The following STXBP5L variants were observed in gnomAD, a reference collection of about 807,000 sequenced individuals.
The protein encoded by STXBP5L is syntaxin binding protein 5L, also known as syntaxin-binding protein 5-like.
Under a neutral mutation model 144.5 loss-of-function variants are expected in STXBP5L, and 65 were observed. The observed-to-expected ratio is 0.45, with a 90% CI of 0.37 to 0.55. The LOEUF (loss-of-function observed/expected upper bound fraction) is 0.55, where lower values mean the gene tolerates loss of function less well. Ranked by LOEUF, STXBP5L falls within the 20% of genes least tolerant of loss-of-function variation. STXBP5L has a pLI of 0.00. For synonymous variants in STXBP5L, 505 were observed against 469.6 expected (o/e 1.08, Z -0.97); for missense variants, 1,298 against 1,405.5 (o/e 0.92, Z 1.22).
intron 3 of STXBP5L, among the ~76,000 whole-genome samples, chr3:121,040,247 G>T (rs1471591319): frequency 3.9e-5 from 6 of 152,026 alleles, no homozygotes; most frequent in Admixed American, 3.3e-4. Context: ...TTAGTATGCA[G>T]TTAAGCTATG....
At chr3:121,150,932 A>G (rs1387894857) in intron 7 of STXBP5L, among the ~76,000 whole-genome samples, 1 of 152,056 alleles carries the variant, frequency 6.6e-6, no homozygotes, top group Non-Finnish European at 1.5e-5. Flanking sequence ...TACTAAAAAT[A>G]CAAAAATTAG....
At chr3:121,068,376 G>T (rs2041647968) in intron 5 of STXBP5L, among the ~76,000 whole-genome samples, 1 of 152,060 alleles carries the variant, frequency 6.6e-6, no homozygotes. Flanking sequence ...GTTTTTATCT[G>T]CCATATTTTT....
chr3:120,923,913 G>A (rs111948379), intron 2 of STXBP5L, among the ~76,000 whole-genome samples: 53 of 151,824 alleles, frequency 3.5e-4, no homozygotes, highest in Non-Finnish European at 5.0e-4. Flanking sequence ...TGATCTGTCC[G>A]TTACTGAGAG....
At chr3:120,939,022 A>G (rs1298543335) in intron 2 of STXBP5L, among the ~76,000 whole-genome samples, 1 of 152,040 alleles carries the variant, frequency 6.6e-6, no homozygotes, top group Non-Finnish European at 1.5e-5. Flanking sequence ...GCCTCAAGTG[A>G]TCCTCCCACC....
intron 5 of STXBP5L, among the ~76,000 whole-genome samples, chr3:121,064,656 C>T (rs1293314610): frequency 6.6e-6 from 1 of 152,156 alleles, no homozygotes; most frequent in African/African-American, 2.4e-5. Context: ...TTGCTTTCTC[C>T]AGGTAACATT....
At chr3:121,363,024 T>C (rs942416521) in intron 20 of STXBP5L, among the ~76,000 whole-genome samples, 3 of 152,132 alleles carry the variant, frequency 2.0e-5, no homozygotes, top group Admixed American at 6.6e-5. Context: ...TGTTAAGAAA[T>C]TTTTTCTGAG....
Position 121,313,083 on chromosome 3 carries a change from C to T in STXBP5L, c.2111-5392C>T, listed in dbSNP as rs375165083. Among the ~76,000 whole-genome samples the T allele has an allele frequency of 5.0e-5, 7 of 141,380 alleles. No individual in the cohort carries two copies. In the East Asian group the frequency reaches 6.6e-4, roughly 13 times the overall value. 92.8% of individuals were successfully genotyped at this position (141,380 alleles called of 152,430 possible). A position where few individuals can be genotyped will look rare whatever the true frequency, so the allele number is the denominator to read the frequency against. On this transcript the variant is annotated intron_variant, in intron 19 of 26. Transcript: ENST00000471454. ...CTCCCGGATGGGGCGGCTGGCCGGGCGGGGGGCTGACCCCCCCACCACCCT... is the reference window on the plus strand; with the variant it reads ...CTCCCGGATGGGGCGGCTGGCCGGGTGGGGGGCTGACCCCCCCACCACCCT...
chr3:121,349,554 G>T (rs1334170899), intron 20 of STXBP5L, among the ~76,000 whole-genome samples: 1 of 152,002 alleles, frequency 6.6e-6, no homozygotes, highest in Non-Finnish European at 1.5e-5. Flanking sequence ...GTTGACAGTG[G>T]GGTGTTAAAG....
chr3:121,212,321 T>A (rs1333801338), intron 10 of STXBP5L, among the ~76,000 whole-genome samples: 2 of 152,190 alleles, frequency 1.3e-5, no homozygotes, highest in African/African-American at 4.8e-5. Flanking sequence ...TTGCCTAGGT[T>A]TTCTTCTAGG....
At chr3:121,417,751 C>T (rs1237207383) in intron 25 of STXBP5L, among the ~76,000 whole-genome samples, 3 of 152,216 alleles carry the variant, frequency 2.0e-5, no homozygotes, top group Admixed American at 6.5e-5. Context: ...AGGCGTGAGC[C>T]ACCGTGCCCA....
chr3:121,041,098 TTCTC>T (rs1017918149), intron 3 of STXBP5L, among the ~76,000 whole-genome samples: 3 of 152,002 alleles, frequency 2.0e-5, no homozygotes, highest in Non-Finnish European at 4.4e-5. Context: ...TTCCTTTTTT[TTCTC>T]TCTCTCTTAC....
chr3:121,166,843 A>G (rs774790158), intron 9 of STXBP5L, among the ~76,000 whole-genome samples: 9 of 152,236 alleles, frequency 5.9e-5, no homozygotes, highest in Admixed American at 2.0e-4. Flanking sequence ...ATTCTCAAAT[A>G]GCTCAGAAGT....
intron 20 of STXBP5L, among the ~76,000 whole-genome samples, chr3:121,360,005 TATATA>T (rs1339176761): frequency 2.8e-5 from 4 of 145,194 alleles, no homozygotes; most frequent in Admixed American, 7.0e-5. Context: ...ATATTATTAC[TATATA>T]ATATAATATA....
At chr3:120,972,269 C>T (rs1940359453) in intron 3 of STXBP5L, among the ~76,000 whole-genome samples, 1 of 151,944 alleles carries the variant, frequency 6.6e-6, no homozygotes, top group Admixed American at 6.6e-5. Context: ...TTGTAGTTCT[C>T]CTTGTAGAGA....
chr3:121,150,679 A>C (rs2107978504), intron 7 of STXBP5L, among the ~76,000 whole-genome samples: 1 of 152,252 alleles, frequency 6.6e-6, no homozygotes, highest in African/African-American at 2.4e-5. Flanking sequence ...TGGGGCTCAA[A>C]TTTAGAAAGA....
At chr3:120,953,299 A>T (rs1196046509) in intron 2 of STXBP5L, among the ~76,000 whole-genome samples, 1 of 151,212 alleles carries the variant, frequency 6.6e-6, no homozygotes, top group Non-Finnish European at 1.5e-5. Flanking sequence ...AGTAGCTCCA[A>T]TAGCCTTGAA....
chr3:120,967,895 T>G (rs577851169), intron 3 of STXBP5L, among the ~76,000 whole-genome samples: 1 of 152,226 alleles, frequency 6.6e-6, no homozygotes, highest in Non-Finnish European at 1.5e-5. Flanking sequence ...TTAATAATTA[T>G]GATTTTGTAC....
At chr3:121,153,261 AT>A (rs1387242899) in intron 8 of STXBP5L, among the ~76,000 whole-genome samples, 3 of 152,026 alleles carry the variant, frequency 2.0e-5, no homozygotes, top group African/African-American at 4.8e-5. Flanking sequence ...TTATTTTTCC[AT>A]TCAGAAGAGG....
At chr3:121,388,798 T>C (rs571740270) in intron 22 of STXBP5L, among the ~76,000 whole-genome samples, 33 of 152,344 alleles carry the variant, frequency 2.2e-4, no homozygotes, top group African/African-American at 7.9e-4. Flanking sequence ...TTTGTCAGTA[T>C]TTTATTGAGG....
Sources: gnomAD v4.1 joint callset for allele counts (sites outside exome capture counted in the v4.1 genomes callset) on GRCh38, gnomAD v4.1.1 for gene constraint, MANE v1.5 for transcripts, NCBI Gene and HGNC (gene_info 2026-07-23, HGNC 2026-07-21) for gene names.